The following CDH23 variants were observed in gnomAD, a reference collection of about 807,000 sequenced individuals.
CDH23 encodes cadherin-23.
Under a neutral mutation model 317.1 loss-of-function variants are expected in CDH23, and 189 were observed. The ratio of observed to expected loss-of-function variants is 0.60; its 90% CI spans 0.53 to 0.67. The LOEUF is 0.67. Ranked by LOEUF, CDH23 falls within the 30% of genes least tolerant of loss-of-function variation. The pLI, the probability that CDH23 is intolerant of heterozygous loss-of-function variation, is 0.00. For synonymous variants in CDH23, 1,839 were observed against 1,876.8 expected (o/e 0.98, Z 0.52); for missense variants, 4,401 against 4,592.4 (o/e 0.96, Z 1.20).
Position 71,760,098 on chromosome 10 carries a change from CACACAT to C in CDH23, c.4846-17578_4846-17573del, listed in dbSNP as rs1328845897. ...ATATATATACACACACATATACACA[CACACAT>C]ACATACATATATGTGTGTATATATA... On this transcript the variant is annotated intron_variant, in intron 38 of 69. Coordinates refer to ENST00000224721, the MANE Select transcript of CDH23 (RefSeq NM_022124.6). Among the ~76,000 whole-genome samples, 87 of 127,560 alleles carry C rather than the reference CACACAT, an allele frequency of 6.8e-4. 17 individuals are homozygous for C. In the East Asian group the frequency reaches 0.019, roughly 27 times the overall value. 83.7% of individuals were successfully genotyped at this position (127,560 alleles called of 152,430 possible).
rs201584731 is a variant in CDH23, at chr10:71,677,461, C to T, written c.1520C>T (p.Ser507Leu). 1.4e-4 allele frequency: 220 copies of T among 1,604,760 alleles called. 1 individual carries two copies. Among genetic ancestry groups the T allele is most frequent in the Non-Finnish European group, 1.8e-4 (210 of 1,175,008 alleles). ...YFFSDDPDRF[S>L]LDKDTGLIML... ...ATCCTCTCGGCCTGGCACAGGTTCT[C>T]GCTGGACAAGGACACGGGACTCATC... is the stretch of plus-strand genomic sequence containing the variant. The change falls in exon 16 of 70, where the codon TCG (serine) becomes TTG (leucine). Residue 507 changes from serine (S) to leucine (L), a missense_variant. This residue lies in a region of CDH23 where 3,068 missense variants were observed against 3,203.3 expected (regional missense o/e 0.96). Transcript: ENST00000224721.
rs749342092 is a variant in CDH23, at chr10:71,805,942, G to C, written c.8009G>C (p.Ser2670Thr). The change falls in exon 56 of 70, where the codon AGC becomes ACC. Residue 2670 changes from serine (S) to threonine (T), a missense_variant. By Grantham distance (58) the Ser-to-Thr change is moderately conservative. Transcript: ENST00000224721. ...GAGTTCTTCATCATCGACCCAATCAGCGGCCTCATCCAGACTGCTCAGCGC... is the reference window on the plus strand; with the variant it reads ...GAGTTCTTCATCATCGACCCAATCACCGGCCTCATCCAGACTGCTCAGCGC... ...DWEFFIIDPI[S>T]GLIQTAQRLD... is the part of the protein sequence containing the mutation. 6.2e-7 allele frequency: 1 copy of C among 1,613,416 alleles called. No homozygotes were observed. The highest frequency in any genetic ancestry group is 2.2e-5 in the East Asian group (1 of 44,872).
At chr10:71,425,551 A>T (rs1849038397) in intron 1 of CDH23, among the ~76,000 whole-genome samples, 2 of 152,188 alleles carry the variant, frequency 1.3e-5, no homozygotes, top group South Asian at 4.1e-4. Flanking sequence ...CATCTGCAGG[A>T]CAGTGCTACC....
chr10:71,738,732 C>A, intron 35 of CDH23, 85 bp downstream of exon 35: 4 of 1,468,408 alleles, frequency 2.7e-6, no homozygotes, highest in East Asian at 2.4e-5. Context: ...TTCTGAGCCA[C>A]CCCCATCACC....
At chr10:71,520,450 T>A (rs912317776) in intron 6 of CDH23, among the ~76,000 whole-genome samples, 1 of 152,170 alleles carries the variant, frequency 6.6e-6, no homozygotes, top group African/African-American at 2.4e-5. Flanking sequence ...GGGTCAAGGA[T>A]CTGCCCAGGG....
At chr10:71,555,998 C>T (rs767635393) in intron 6 of CDH23, among the ~76,000 whole-genome samples, 1 of 152,122 alleles carries the variant, frequency 6.6e-6, no homozygotes, top group Non-Finnish European at 1.5e-5. Flanking sequence ...TGATGTCTGA[C>T]GTCTGCTCTC....
At chr10:71,639,343 A>G (rs918392327) in intron 11 of CDH23, among the ~76,000 whole-genome samples, 1 of 152,040 alleles carries the variant, frequency 6.6e-6, no homozygotes, top group Non-Finnish European at 1.5e-5. Context: ...GCAGTCCCCC[A>G]GCCCCCTGTG....
intron 9 of CDH23, among the ~76,000 whole-genome samples, chr10:71,610,000 G>C (rs1860775293): frequency 6.6e-6 from 1 of 150,600 alleles, no homozygotes; most frequent in Admixed American, 6.6e-5. Context: ...GTGTGTGAGA[G>C]AGACAGAGAG....
At chr10:71,530,571 G>A (rs1855316115) in intron 6 of CDH23, among the ~76,000 whole-genome samples, 1 of 152,168 alleles carries the variant, frequency 6.6e-6, no homozygotes, top group Non-Finnish European at 1.5e-5. Context: ...TAGGTCTCTC[G>A]AGGTCTTGCA....
chr10:71,514,073 C>T (rs1021205583), intron 6 of CDH23, among the ~76,000 whole-genome samples: 1 of 151,932 alleles, frequency 6.6e-6, no homozygotes, highest in African/African-American at 2.4e-5. Flanking sequence ...CAGTCTATGC[C>T]CCTGCCTTGC....
rs374981343 is a variant in CDH23, at chr10:71,806,010, C to A, written c.8064+13C>A. The A allele has an allele frequency of 4.0e-5, 64 of 1,599,322 alleles. No individual in the cohort carries two copies. In the Middle Eastern group the frequency reaches 5.2e-4, roughly 13 times the overall value. ...GGCGGTGTACAGCGTAAGGGCGGGG[C>A]CCGGTGCGAGGGGCGGGGTCTGGGG... On this transcript the variant is annotated intron_variant, in intron 56 of 69. Transcript: ENST00000224721.
intron 3 of CDH23, among the ~76,000 whole-genome samples, chr10:71,484,265 G>A (rs1234861504): frequency 1.3e-5 from 2 of 152,208 alleles, no homozygotes; most frequent in Non-Finnish European, 2.9e-5. Flanking sequence ...TTGCCGTGGC[G>A]AGGTGGTAGG....
chr10:71,503,039 T>A lies in CDH23; in HGVS notation c.146-7043T>A, dbSNP rs561592829. Among the ~76,000 whole-genome samples the A allele has an allele frequency of 2.0e-5, 3 of 152,294 alleles. No individual in the cohort carries two copies. In the South Asian group the frequency reaches 6.2e-4, roughly 32 times the overall value. ...ATAACAACAATAAGAGTAATAACAG[T>A]CATCTCAGCGATCAGCATGGGCCCA... is the stretch of plus-strand genomic sequence containing the variant. On this transcript the variant is annotated intron_variant, in intron 3 of 69. Transcript: ENST00000224721.
intron 14 of CDH23, among the ~76,000 whole-genome samples, chr10:71,652,641 G>A (rs895013050): frequency 2.0e-5 from 3 of 152,192 alleles, no homozygotes; most frequent in Admixed American, 6.5e-5. Context: ...CTACCTTGGA[G>A]GATTGTTGTG....
At chr10:71,584,014 C>T (rs1858851933) in intron 9 of CDH23, among the ~76,000 whole-genome samples, 1 of 152,126 alleles carries the variant, frequency 6.6e-6, no homozygotes, top group Non-Finnish European at 1.5e-5. Flanking sequence ...TTTGCATCCC[C>T]ACTAAACCTA....
At chr10:71,794,019 G>T (rs936954848) in intron 48 of CDH23, among the ~76,000 whole-genome samples, 2 of 150,934 alleles carry the variant, frequency 1.3e-5, no homozygotes, top group Non-Finnish European at 1.5e-5. Flanking sequence ...CTTTTTTTTT[G>T]AGATGGAATT....
At chr10:71,621,591 GT>G (rs1861468246) in intron 11 of CDH23, among the ~76,000 whole-genome samples, 1 of 152,236 alleles carries the variant, frequency 6.6e-6, no homozygotes, top group Non-Finnish European at 1.5e-5. Context: ...GTCTGGCTGA[GT>G]TTGTGTAGCA....
chr10:71,642,659 C>T (rs953295913), intron 11 of CDH23, among the ~76,000 whole-genome samples: 2 of 151,944 alleles, frequency 1.3e-5, no homozygotes, highest in African/African-American at 2.4e-5. Context: ...CTCCGCTTCC[C>T]GACGTGCTGG....
At chr10:71,668,327 C>T (rs1487548829) in intron 14 of CDH23, among the ~76,000 whole-genome samples, 1 of 152,190 alleles carries the variant, frequency 6.6e-6, no homozygotes, top group African/African-American at 2.4e-5. Context: ...CGGTCTTCAA[C>T]AGGGCGAGGA....
Sources: gnomAD v4.1 joint callset for allele counts (sites outside exome capture counted in the v4.1 genomes callset) on GRCh38, gnomAD v4.1.1 for gene constraint, gnomAD v4.1.1 regional missense constraint, MANE v1.5 for transcripts, NCBI Gene and HGNC (gene_info 2026-07-23, HGNC 2026-07-21) for gene names.